Variants in KIF21A observed in about 807,000 individuals in gnomAD.
KIF21A encodes the protein kinesin-like protein KIF21A.
KIF21A carries 114 observed loss-of-function variants against 202.9 expected under a neutral mutation model. The ratio of observed to expected loss-of-function variants is 0.56; its 90% CI spans 0.48 to 0.66. KIF21A has a LOEUF of 0.66. Ranked by LOEUF, KIF21A falls within the 30% of genes least tolerant of loss-of-function variation. The probability of loss-of-function intolerance (pLI) is 0.00; values close to 1 mark genes in which losing one functional copy is unlikely to be tolerated. For synonymous variants in KIF21A, 667 were observed against 670.8 expected (o/e 0.99, Z 0.09); for missense variants, 1,677 against 1,994.9 (o/e 0.84, Z 3.04).
chr12:39,311,919 C>T (rs1281494546), intron 31 of KIF21A: 4 of 236,876 alleles, frequency 1.7e-5, no homozygotes, highest in South Asian at 6.2e-5. Context: ...AACAGGAAAA[C>T]ATAATTCTAT....
chr12:39,309,056 G>C (rs1170242339), intron 33 of KIF21A, among the ~76,000 whole-genome samples: 2 of 152,012 alleles, frequency 1.3e-5, no homozygotes, highest in Admixed American at 6.6e-5. Flanking sequence ...AATGAGCACA[G>C]AAAAAACAAA....
At chr12:39,343,412 A>G (rs986559552) in intron 12 of KIF21A, among the ~76,000 whole-genome samples, 22 of 151,912 alleles carry the variant, frequency 1.4e-4, no homozygotes, top group African/African-American at 5.1e-4. Context: ...AATAAATAGA[A>G]TACTCAAATA....
At chr12:39,410,305 TTG>T (rs1300182865) in intron 1 of KIF21A, among the ~76,000 whole-genome samples, 1 of 152,158 alleles carries the variant, frequency 6.6e-6, no homozygotes, top group Non-Finnish European at 1.5e-5. Flanking sequence ...TAAGATAAAT[TTG>T]TGTTAAGTCA....
chr12:39,440,363 T>A (rs1016817282), intron 1 of KIF21A, among the ~76,000 whole-genome samples: 2 of 152,242 alleles, frequency 1.3e-5, no homozygotes, highest in Admixed American at 1.3e-4. Context: ...CTCTCTCATT[T>A]GTTACCAATT....
chr12:39,386,580 C>A (rs1052994180), intron 1 of KIF21A, among the ~76,000 whole-genome samples: 11 of 152,110 alleles, frequency 7.2e-5, no homozygotes, highest in Non-Finnish European at 1.6e-4. Context: ...CAGGTGCTGA[C>A]AAAACAAACA....
intron 1 of KIF21A, among the ~76,000 whole-genome samples, chr12:39,404,759 C>T (rs1952449843): frequency 6.6e-6 from 1 of 151,938 alleles, no homozygotes; most frequent in Non-Finnish European, 1.5e-5. Context: ...TAACATGTTC[C>T]AAAACAGAAT....
chr12:39,394,742 T>C (rs1170293533), intron 1 of KIF21A, among the ~76,000 whole-genome samples: 5 of 152,232 alleles, frequency 3.3e-5, no homozygotes, highest in Non-Finnish European at 4.4e-5. Flanking sequence ...TCAGGTGTCA[T>C]TGCCTTTGAT....
At chr12:39,391,510 G>A (rs1431355958) in intron 1 of KIF21A, among the ~76,000 whole-genome samples, 1 of 152,024 alleles carries the variant, frequency 6.6e-6, no homozygotes, top group Non-Finnish European at 1.5e-5. Flanking sequence ...GGCCAAGATG[G>A]AAGAATCGCC....
At chr12:39,395,010 T>G (rs1293866175) in intron 1 of KIF21A, among the ~76,000 whole-genome samples, 1 of 152,182 alleles carries the variant, frequency 6.6e-6, no homozygotes, top group Admixed American at 6.5e-5. Context: ...ATTGTGTCTG[T>G]GTAAAATCTC....
chr12:39,352,198 C>T (rs997002415), intron 10 of KIF21A, among the ~76,000 whole-genome samples: 2 of 151,998 alleles, frequency 1.3e-5, no homozygotes, highest in African/African-American at 2.4e-5. Context: ...TCCCCTCAGC[C>T]CCTCTACCTC....
chr12:39,415,539 G>C (rs1953506854), intron 1 of KIF21A, among the ~76,000 whole-genome samples: 1 of 152,098 alleles, frequency 6.6e-6, no homozygotes, highest in South Asian at 2.1e-4. Flanking sequence ...TTACAGGCGT[G>C]AGCCGCCGCG....
At chr12:39,359,032 A>G (rs887538144) in intron 7 of KIF21A, among the ~76,000 whole-genome samples, 2 of 152,184 alleles carry the variant, frequency 1.3e-5, no homozygotes, top group African/African-American at 4.8e-5. Context: ...TAAAGCAGAC[A>G]TGGAGATTCT....
chr12:39,335,987 T>C (rs1054427550), intron 17 of KIF21A, among the ~76,000 whole-genome samples: 4 of 152,216 alleles, frequency 2.6e-5, no homozygotes, highest in East Asian at 1.9e-4. Flanking sequence ...TAAAATATGC[T>C]TTATGCTCGT....
At chr12:39,406,076 T>A (rs1952566481) in intron 1 of KIF21A, among the ~76,000 whole-genome samples, 1 of 151,688 alleles carries the variant, frequency 6.6e-6, no homozygotes, top group African/African-American at 2.4e-5. Flanking sequence ...AAATTTCAAC[T>A]AAAATTTGAA....
In KIF21A at chr12:39,358,910, G is replaced by A. The variant is rs144478504; in HGVS notation, c.1020-537C>T. ...TTACAGTTTCTGGCCAGATTACATA[G>A]GAAAAGTGGGAAACATTACTTTACG... is the stretch of plus-strand genomic sequence containing the variant. On this transcript the variant is annotated intron_variant, in intron 7 of 37. Coordinates refer to ENST00000361418, the MANE Select transcript of KIF21A (RefSeq NM_001173464.2). Among the ~76,000 whole-genome samples, 1,074 of 152,184 alleles carry A rather than the reference G, an allele frequency of 7.1e-3. 9 individuals are homozygous for A. The highest frequency in any genetic ancestry group is 0.012 in the Non-Finnish European group (805 of 68,004).
At chr12:39,368,132 G>T in intron 3 of KIF21A, 100 bp from the exon 4 acceptor site, 1 of 743,462 alleles carries the variant, frequency 1.3e-6, no homozygotes, top group Non-Finnish European at 2.2e-6. Flanking sequence ...GATTTTTAAA[G>T]TATTTCAAAA....
At chr12:39,329,693 TATA>T (rs1468003177) in intron 24 of KIF21A, among the ~76,000 whole-genome samples, 2 of 152,184 alleles carry the variant, frequency 1.3e-5, no homozygotes, top group African/African-American at 4.8e-5. Flanking sequence ...AAGTGCTAGT[TATA>T]ATGCCAGGTA....
intron 1 of KIF21A, among the ~76,000 whole-genome samples, chr12:39,411,691 T>C (rs1311931267): frequency 6.6e-6 from 1 of 151,980 alleles, no homozygotes; most frequent in Non-Finnish European, 1.5e-5. Context: ...CACACCCAGC[T>C]AATTTTTATG....
intron 7 of KIF21A, 88 bp downstream of exon 7, chr12:39,363,010 A>G (rs1949346251): frequency 3.5e-6 from 3 of 868,700 alleles, no homozygotes; most frequent in Middle Eastern, 2.7e-4. Flanking sequence ...TTGCTTTGCA[A>G]TAAAAGTAGT....
Sources: gnomAD v4.1 joint callset for allele counts (sites outside exome capture counted in the v4.1 genomes callset) on GRCh38, gnomAD v4.1.1 for gene constraint, MANE v1.5 for transcripts, NCBI Gene and HGNC (gene_info 2026-07-23, HGNC 2026-07-21) for gene names.